The following KLHL20 variants were observed in gnomAD, a reference collection of about 807,000 sequenced individuals.
KLHL20 encodes kelch-like protein 20.
A neutral mutation model predicts 69.5 loss-of-function variants in KLHL20; 29 were observed. The ratio of observed to expected loss-of-function variants is 0.42; its 90% confidence interval spans 0.31 to 0.57. The LOEUF (loss-of-function observed/expected upper bound fraction) is 0.57, where lower values mean the gene tolerates loss of function less well. Among genes scored for constraint, KLHL20 ranks in the 20% least tolerant of loss-of-function variants. The pLI, the probability that KLHL20 is intolerant of heterozygous loss-of-function variation, is 0.18. For missense variants in KLHL20, 419 were observed against 776.0 expected (o/e 0.54, Z 5.47); for synonymous variants, 253 against 265.2 (o/e 0.95, Z 0.45).
chr1:173,757,150 G>C lies in KLHL20; in HGVS notation c.1142G>C (p.Ser381Thr), dbSNP rs1242447325. ...GGHDGSSYLN[S>T]VERYDPKTNQ... The stretch of plus-strand genomic sequence containing the variant: ...CATGATGGATCCTCTTATCTCAATA[G>C]TGTTGAAAGGTGAGTAAGGTCAATC... Residue 381 changes from serine (S) to threonine (T), a missense_variant, in exon 7 of 12, where the codon AGT (serine) becomes ACT (threonine). Ser to Thr is a moderately conservative substitution (Grantham distance 58). This residue lies in a region of KLHL20 where 32 missense variants were observed against 98.9 expected (regional missense o/e 0.32). Transcript: ENST00000209884. 6.2e-7 allele frequency: 1 copy of C among 1,607,524 alleles called. No individual in the cohort carries two copies. The highest frequency in any genetic ancestry group is 8.5e-7 in the Non-Finnish European group (1 of 1,175,384).
rs879443836 is a variant in KLHL20 at position 173,736,593 on chromosome 1, C to CT, written c.597+2321dup. 2.2e-3 allele frequency among the ~76,000 whole-genome samples: 314 copies of CT among 143,644 alleles called. 1 individual carries two copies. Among genetic ancestry groups the CT allele is most frequent in the African/African-American group, 2.6e-3 (101 of 39,386 alleles). The allele number at this position is 143,644 out of a possible 152,430, so 94.2% of individuals were successfully genotyped here. On this transcript the variant is annotated intron_variant, in intron 3 of 11. Transcript: ENST00000209884. ...CTTTTCACCACATCCATGCCAACAT[C>CT]TTTTTTTTTTTTTTAATTTTGAAAC...
At chr1:173,757,267 C>G in intron 7 of KLHL20, 108 bp downstream of exon 7, 1 of 1,074,270 alleles carries the variant, frequency 9.3e-7, no homozygotes, top group Non-Finnish European at 1.3e-6. Context: ...ATCTGTGGCA[C>G]TAGTTGGCAA....
intron 2 of KLHL20, among the ~76,000 whole-genome samples, chr1:173,719,362 C>T (rs540890406): frequency 1.3e-5 from 2 of 152,122 alleles, no homozygotes; most frequent in East Asian, 3.9e-4. Flanking sequence ...CCTGTAATCC[C>T]AGCACTTTGG....
intron 3 of KLHL20, among the ~76,000 whole-genome samples, chr1:173,751,347 T>C (rs1673302650): frequency 6.6e-6 from 1 of 152,222 alleles, no homozygotes; most frequent in Non-Finnish European, 1.5e-5. Context: ...ACAGAATTGC[T>C]GACACTCTTA....
At position 173,734,304 on chromosome 1, in the gene KLHL20, T is replaced by A; in HGVS notation, c.597+18T>A. 1 of 1,606,550 alleles carries A rather than the reference T, an allele frequency of 6.2e-7. No homozygotes were observed. The highest frequency in any genetic ancestry group is 8.5e-7 in the Non-Finnish European group (1 of 1,173,132). ...TTCAAGAGGTGAGTTGCACTTGGTG[T>A]TCCAATGCACCCATTTGTTGGAGAG... On this transcript the variant is annotated intron_variant, in intron 3 of 11. Coordinates refer to ENST00000209884, the MANE Select transcript of KLHL20 (RefSeq NM_014458.4).
intron 3 of KLHL20, among the ~76,000 whole-genome samples, chr1:173,750,296 A>ATATG (rs1673247187): frequency 6.6e-6 from 1 of 151,900 alleles, no homozygotes; most frequent in African/African-American, 2.4e-5. Flanking sequence ...GCACTCGAGA[A>ATATG]TATTTATTTA....
intron 5 of KLHL20, among the ~76,000 whole-genome samples, chr1:173,754,601 A>AC (rs1355215274): frequency 3.9e-5 from 6 of 151,906 alleles, no homozygotes; most frequent in Admixed American, 2.0e-4. Context: ...AAAAAAAAAA[A>AC]ACACACAGAC....
chr1:173,741,502 C>T (rs1410816471), intron 3 of KLHL20, among the ~76,000 whole-genome samples: 1 of 152,138 alleles, frequency 6.6e-6, no homozygotes, highest in East Asian at 1.9e-4. Flanking sequence ...TTCTAATTGA[C>T]TAACCCAGAA....
chr1:173,716,401 G>A (rs1262601275), intron 2 of KLHL20, among the ~76,000 whole-genome samples: 5 of 152,072 alleles, frequency 3.3e-5, no homozygotes, highest in African/African-American at 1.2e-4. Context: ...AGAGGATTCT[G>A]TTCCCATGTA....
chr1:173,739,240 T>G (rs1052198191), intron 3 of KLHL20, among the ~76,000 whole-genome samples: 2 of 151,972 alleles, frequency 1.3e-5, no homozygotes, highest in African/African-American at 4.8e-5. Context: ...GCCCAGCTAA[T>G]TTTTTGTATG....
intron 2 of KLHL20, among the ~76,000 whole-genome samples, chr1:173,721,134 T>C (rs1374175492): frequency 1.3e-5 from 2 of 152,106 alleles, no homozygotes; most frequent in African/African-American, 4.8e-5. Flanking sequence ...CTAAAATGAG[T>C]AAGAAGCTTT....
chr1:173,764,908 T>C (rs1025544123), intron 7 of KLHL20, among the ~76,000 whole-genome samples: 1 of 152,054 alleles, frequency 6.6e-6, no homozygotes, highest in African/African-American at 2.4e-5. Flanking sequence ...TTAAAAAAAA[T>C]TGATGGGTTA....
chr1:173,716,888 A>C (rs565778349), intron 2 of KLHL20, among the ~76,000 whole-genome samples: 1 of 152,288 alleles, frequency 6.6e-6, no homozygotes, highest in East Asian at 1.9e-4. Context: ...TCTTTATCCA[A>C]ATCTGTTATT....
At chr1:173,778,817 C>A (rs754097594) in intron 10 of KLHL20, among the ~76,000 whole-genome samples, 3 of 152,018 alleles carry the variant, frequency 2.0e-5, no homozygotes, top group Non-Finnish European at 4.4e-5. Context: ...GTAATGTCTC[C>A]TTTTTCATCT....
At chr1:173,726,961 G>T (rs1671999909) in intron 2 of KLHL20, among the ~76,000 whole-genome samples, 1 of 152,124 alleles carries the variant, frequency 6.6e-6, no homozygotes, top group Non-Finnish European at 1.5e-5. Context: ...AGCTAAAGGA[G>T]GAAGTTCGAA....
chr1:173,758,257 C>T (rs1673641817), intron 7 of KLHL20, among the ~76,000 whole-genome samples: 1 of 149,954 alleles, frequency 6.7e-6, no homozygotes, highest in Non-Finnish European at 1.5e-5. Context: ...GGTGACAGAG[C>T]AAGACTCTCT....
intron 5 of KLHL20, among the ~76,000 whole-genome samples, chr1:173,754,384 C>G (rs75871084): frequency 2.6e-5 from 4 of 151,818 alleles, no homozygotes; most frequent in South Asian, 4.2e-4. Context: ...GTCAGGAGTT[C>G]GAGACCAGCC....
intron 3 of KLHL20, among the ~76,000 whole-genome samples, chr1:173,750,696 G>A (rs1041228958): frequency 1.3e-5 from 2 of 151,844 alleles, no homozygotes; most frequent in Non-Finnish European, 2.9e-5. Flanking sequence ...TTACAGGCAT[G>A]AGCCACCACA....
intron 3 of KLHL20, 99 bp from the exon 4 acceptor site, chr1:173,751,665 A>G: frequency 8.7e-7 from 1 of 1,143,174 alleles, no homozygotes; most frequent in Non-Finnish European, 1.2e-6. Flanking sequence ...ACTTCAGCGC[A>G]TTGTAGAATA....
Sources: gnomAD v4.1 joint callset for allele counts (sites outside exome capture counted in the v4.1 genomes callset) on GRCh38, gnomAD v4.1.1 for gene constraint, gnomAD v4.1.1 regional missense constraint, MANE v1.5 for transcripts, NCBI Gene and HGNC (gene_info 2026-07-23, HGNC 2026-07-21) for gene names.